The following SLC39A11 variants were observed in gnomAD, a reference collection of about 807,000 sequenced individuals.
SLC39A11 encodes solute carrier family 39 member 11.
SLC39A11 carries 33 observed loss-of-function variants against 36.1 expected under a neutral mutation model. The ratio of observed to expected loss-of-function variants is 0.91; its 90% CI spans 0.69 to 1.22. SLC39A11 has a LOEUF of 1.22. Ranked by LOEUF, SLC39A11 falls within the 50% of genes most tolerant of loss-of-function variation. The pLI, the probability that SLC39A11 is intolerant of heterozygous loss-of-function variation, is 0.00. For missense variants in SLC39A11, 432 were observed against 430.3 expected, an observed-to-expected ratio of 1.00 and a Z score of -0.03; for synonymous variants, 166 against 170.3, an observed-to-expected ratio of 0.97 and a Z score of 0.20.
At chr17:72,922,460 C>T (rs980767328) in intron 5 of SLC39A11, among the ~76,000 whole-genome samples, 3 of 152,208 alleles carry the variant, frequency 2.0e-5, no homozygotes, top group African/African-American at 7.2e-5. Flanking sequence ...TTGACGAAAG[C>T]AGGTCCTGGA....
chr17:73,031,775 A>G, intron 3 of SLC39A11, 61 bp from the exon 4 acceptor site: 1 of 1,560,310 alleles, frequency 6.4e-7, no homozygotes, highest in East Asian at 2.3e-5. Flanking sequence ...TCCAGGCAGG[A>G]CCTCAGTTGC....
chr17:72,826,364 GA>G (rs2078028471), intron 6 of SLC39A11, among the ~76,000 whole-genome samples: 1 of 152,130 alleles, frequency 6.6e-6, no homozygotes, highest in South Asian at 2.1e-4. Flanking sequence ...GTGGAACTGT[GA>G]GCCAATTAAA....
At chr17:72,879,241 G>T (rs1394798530) in intron 5 of SLC39A11, among the ~76,000 whole-genome samples, 1 of 152,176 alleles carries the variant, frequency 6.6e-6, no homozygotes, top group Non-Finnish European at 1.5e-5. Flanking sequence ...TAGCCCAGAG[G>T]TCAGGAGGTG....
intron 5 of SLC39A11, among the ~76,000 whole-genome samples, chr17:72,865,703 G>A (rs576275671): frequency 1.3e-5 from 2 of 152,056 alleles, no homozygotes; most frequent in African/African-American, 2.4e-5. Context: ...CCATGCATGA[G>A]AGTCAGCAGG....
intron 3 of SLC39A11, among the ~76,000 whole-genome samples, chr17:73,082,279 A>G (rs1404055724): frequency 6.6e-6 from 1 of 151,930 alleles, no homozygotes; most frequent in Non-Finnish European, 1.5e-5. Context: ...AAAGAGATAC[A>G]TAAGAATAAA....
chr17:72,900,304 G>C lies in SLC39A11; in HGVS notation c.430+47448C>G, dbSNP rs145584468. Among the ~76,000 whole-genome samples, 10 of 152,258 alleles carry C rather than the reference G, an allele frequency of 6.6e-5. No homozygotes were observed. The South Asian group carries it at 1.7e-3, about 25-fold the overall frequency. On this transcript the variant is annotated intron_variant, in intron 5 of 9. Transcript: ENST00000255559. ...CTCACTTCCCAGAGAGATACCATTT[G>C]AGCAAGGATGTCAACAAAGGAGGAA...
At chr17:73,080,154 ACCAAAAAAGAGC>A in intron 3 of SLC39A11, among the ~76,000 whole-genome samples, 1 of 152,312 alleles carries the variant, frequency 6.6e-6, no homozygotes, top group East Asian at 1.9e-4. Context: ...TTCGTATGGA[ACCAAAAAAGAGC>A]CCACATAGCC....
intron 4 of SLC39A11, among the ~76,000 whole-genome samples, chr17:72,963,283 TCCTC>T (rs1223025904): frequency 6.6e-6 from 1 of 150,490 alleles, no homozygotes; most frequent in Non-Finnish European, 1.5e-5. Context: ...CCATTCTCCT[TCCTC>T]AGCCTCCAGA....
intron 6 of SLC39A11, among the ~76,000 whole-genome samples, chr17:72,798,781 AT>A (rs2076985108): frequency 1.3e-5 from 2 of 152,060 alleles, no homozygotes; most frequent in Non-Finnish European, 2.9e-5. Context: ...CCTTCTCCAA[AT>A]ACCATCACAC....
intron 3 of SLC39A11, among the ~76,000 whole-genome samples, chr17:73,046,871 G>A (rs2059311730): frequency 6.6e-6 from 1 of 152,052 alleles, no homozygotes; most frequent in Non-Finnish European, 1.5e-5. Context: ...AGCCCGGGCG[G>A]TTGAGGCTGC....
intron 7 of SLC39A11, among the ~76,000 whole-genome samples, chr17:72,727,957 GC>G (rs1010095303): frequency 2.0e-5 from 3 of 152,220 alleles, no homozygotes; most frequent in Non-Finnish European, 2.9e-5. Flanking sequence ...TGAAGACAGT[GC>G]CTTCTTGGAA....
chr17:72,738,818 T>C (rs1471334451), intron 6 of SLC39A11, among the ~76,000 whole-genome samples: 1 of 152,176 alleles, frequency 6.6e-6, no homozygotes, highest in African/African-American at 2.4e-5. Context: ...CATTGCCTCT[T>C]AGTACAGCGC....
intron 4 of SLC39A11, among the ~76,000 whole-genome samples, chr17:72,989,375 G>A (rs1598743045): frequency 6.6e-6 from 1 of 152,298 alleles, no homozygotes; most frequent in East Asian, 1.9e-4. Context: ...CAAGATAACA[G>A]TACAAGTTTC....
At chr17:72,811,863 T>G (rs2077443859) in intron 6 of SLC39A11, among the ~76,000 whole-genome samples, 1 of 152,204 alleles carries the variant, frequency 6.6e-6, no homozygotes, top group Admixed American at 6.5e-5. Flanking sequence ...TCTTTTATAC[T>G]CAACTAGCTT....
At chr17:72,764,219 G>A (rs1024088850) in intron 6 of SLC39A11, among the ~76,000 whole-genome samples, 1 of 152,070 alleles carries the variant, frequency 6.6e-6, no homozygotes, top group African/African-American at 2.4e-5. Context: ...GCGGAGGGAG[G>A]AGCCATCTTA....
intron 4 of SLC39A11, among the ~76,000 whole-genome samples, chr17:72,949,243 T>C (rs897255646): frequency 6.8e-5 from 9 of 131,406 alleles, no homozygotes; most frequent in Admixed American, 5.2e-4. Flanking sequence ...CACAGCAACC[T>C]CTGCCCCACC....
At chr17:72,902,797 G>A (rs967818286) in intron 5 of SLC39A11, among the ~76,000 whole-genome samples, 6 of 151,772 alleles carry the variant, frequency 4.0e-5, no homozygotes, top group Non-Finnish European at 8.8e-5. Flanking sequence ...CTTCCAGTGG[G>A]TACCCCTCTG....
intron 6 of SLC39A11, among the ~76,000 whole-genome samples, chr17:72,767,758 A>G (rs1339513249): frequency 6.6e-6 from 1 of 152,244 alleles, no homozygotes; most frequent in East Asian, 1.9e-4. Flanking sequence ...ATAAATGGGC[A>G]GATGAAACGA....
intron 6 of SLC39A11, among the ~76,000 whole-genome samples, chr17:72,762,016 A>G (rs1454779965): frequency 1.3e-5 from 2 of 152,184 alleles, no homozygotes; most frequent in African/African-American, 4.8e-5. Context: ...AGTACACGAG[A>G]GATAATGAGT....
Sources: gnomAD v4.1 joint callset for allele counts (sites outside exome capture counted in the v4.1 genomes callset) on GRCh38, gnomAD v4.1.1 for gene constraint, MANE v1.5 for transcripts, NCBI Gene and HGNC (gene_info 2026-07-23, HGNC 2026-07-21) for gene names.